ZIM2: variants seen among roughly 807,000 people sequenced by gnomAD.
The protein encoded by ZIM2 is zinc finger protein 656.
Under a neutral mutation model 38.6 loss-of-function variants are expected in ZIM2, and 14 were observed. That is an observed-to-expected ratio of 0.36 (90% confidence interval 0.24 to 0.57). The LOEUF is 0.57. Ranked by LOEUF, ZIM2 falls within the 20% of genes least tolerant of loss-of-function variation. The probability of loss-of-function intolerance (pLI) is 0.81; values close to 1 mark genes in which losing one functional copy is unlikely to be tolerated. For synonymous variants in ZIM2, 247 were observed against 245.8 expected (o/e 1.00, Z -0.04); for missense variants, 680 against 695.1 (o/e 0.98, Z 0.24).
At chr19:56,803,686 T>C (rs1297726802) in intron 9 of ZIM2, among the ~76,000 whole-genome samples, 1 of 152,230 alleles carries the variant, frequency 6.6e-6, no homozygotes, top group Non-Finnish European at 1.5e-5. Context: ...CAATAGTCCG[T>C]TGCTGAAGCC....
intron 9 of ZIM2, chr19:56,799,637 A>G (rs948712793): frequency 5.9e-5 from 9 of 152,222 alleles, no homozygotes; most frequent in African/African-American, 9.6e-5. Context: ...AACCCTAAAC[A>G]TATACCTACT....
At chr19:56,809,406 C>T (rs79925898) in intron 9 of ZIM2, among the ~76,000 whole-genome samples, 4,000 of 152,246 alleles carry the variant, frequency 0.026, 150 homozygotes, top group African/African-American at 0.089. Context: ...TCTCCTCCTC[C>T]GACTTATGGA....
chr19:56,775,390 A>T lies in ZIM2; in HGVS notation c.975T>A (p.Leu325=). The change falls in exon 13 of 13, where the codon CTT becomes CTA. Residue 325 remains leucine (L), a synonymous_variant. Coordinates refer to ENST00000629319, the MANE Select transcript of ZIM2 (RefSeq NM_001387356.1). ...GSDEFERSSN[L]SKQSKDPLGK... ...CTAGAGGATCCTTTGATTGTTTACT[A>T]AGATTAGAGCTTCTCTCAAATTCAT... The T allele has an allele frequency of 6.2e-7, 1 of 1,614,180 alleles. No individual in the cohort carries two copies. The highest frequency in any genetic ancestry group is 2.2e-5 in the East Asian group (1 of 44,876).
At chr19:56,803,747 G>A (rs1008618914) in intron 9 of ZIM2, among the ~76,000 whole-genome samples, 11 of 152,174 alleles carry the variant, frequency 7.2e-5, no homozygotes, top group Admixed American at 3.9e-4. Context: ...AGCCAACCTA[G>A]GGTCAAAACA....
intron 10 of ZIM2, among the ~76,000 whole-genome samples, chr19:56,786,704 G>C (rs1452223721): frequency 4.6e-5 from 7 of 152,178 alleles, no homozygotes; most frequent in African/African-American, 1.7e-4. Context: ...TAAGTTTTAA[G>C]GGGCTGAGTT....
chr19:56,812,823 A>AG, intron 9 of ZIM2: 1 of 985,254 alleles, frequency 1.0e-6, no homozygotes, highest in Non-Finnish European at 1.2e-6. Context: ...TTGGTTAAAA[A>AG]AAAAAAAAAC....
rs527827697 is a variant in ZIM2 at position 56,779,656 on chromosome 19, A to C, written c.740-184T>G. Among the ~76,000 whole-genome samples the C allele has an allele frequency of 3.1e-4, 47 of 152,254 alleles. 1 individual carries two copies. The highest frequency in any genetic ancestry group is 1.1e-3 in the African/African-American group (45 of 41,536). ...GTATGGAGATATCTTTGGTTGTCAT[A>C]ACTGTGGGAGCAGAGGGAGGGGTTC... On this transcript the variant is annotated intron_variant, in intron 11 of 12. Coordinates refer to ENST00000629319, the MANE Select transcript of ZIM2 (RefSeq NM_001387356.1).
At position 56,823,610 on chromosome 19, in the gene ZIM2, T is replaced by C. The variant is rs748217139; in HGVS notation, c.86A>G (p.His29Arg). The C allele has an allele frequency of 3.0e-5, 48 of 1,613,868 alleles. No individual in the cohort carries two copies. Among genetic ancestry groups the C allele is most frequent in the Non-Finnish European group, 4.0e-5 (47 of 1,179,990 alleles). ...TRNRRESSPP[H>R]SVHSFSGDRD... ...CTCACCACTGAAAGAATGGACTGAGTGAGGTGGTGAGGACTCTCTTCTGTT... is the reference window on the plus strand; with the variant it reads ...CTCACCACTGAAAGAATGGACTGAGCGAGGTGGTGAGGACTCTCTTCTGTT... Residue 29 changes from histidine (H) to arginine (R), a missense_variant, in exon 5 of 13, where the codon CAC (histidine) becomes CGC (arginine). Transcript: ENST00000629319.
At chr19:56,803,270 C>CT (rs1295691985) in intron 9 of ZIM2, among the ~76,000 whole-genome samples, 1 of 152,190 alleles carries the variant, frequency 6.6e-6, no homozygotes, top group African/African-American at 2.4e-5. Flanking sequence ...AGATGGTTAC[C>CT]TATCTCACAA....
Position 56,774,762 on chromosome 19 carries a change from C to G in ZIM2, c.1603G>C (p.Gly535Arg). The G allele has an allele frequency of 6.2e-7, 1 of 1,614,030 alleles. No individual in the cohort carries two copies. The highest frequency in any genetic ancestry group is 8.5e-7 in the Non-Finnish European group (1 of 1,180,022). ...TGTTGAGTGAGGTATGAGGGTCGGCCGAAACATTTCCCACATAGCTGACAC... is the reference window on the plus strand; with the variant it reads ...TGTTGAGTGAGGTATGAGGGTCGGCGGAAACATTTCCCACATAGCTGACAC... ...YQCQLCGKCF[G>R]RPSYLTQHYQ... Residue 535 changes from glycine (G) to arginine (R), a missense_variant, in exon 13 of 13, where the codon GGC becomes CGC. By Grantham distance (125) the Gly-to-Arg change is moderately radical (BLOSUM62 -2). Transcript: ENST00000629319.
chr19:56,781,772 A>C (rs988708958), intron 11 of ZIM2, among the ~76,000 whole-genome samples, 181 bp downstream of exon 11: 1 of 152,216 alleles, frequency 6.6e-6, no homozygotes, highest in Non-Finnish European at 1.5e-5. Flanking sequence ...CGTGCTCAAG[A>C]AATGTTAGCT....
At chr19:56,812,195 G>A in intron 9 of ZIM2, 3 of 981,186 alleles carry the variant, frequency 3.1e-6, no homozygotes, top group African/African-American at 3.5e-5. Flanking sequence ...TAGTTATTAT[G>A]CGAGGGGAGG....
chr19:56,827,595 T>C (rs538298925), intron 2 of ZIM2, among the ~76,000 whole-genome samples: 66 of 152,294 alleles, frequency 4.3e-4, no homozygotes, highest in African/African-American at 1.5e-3. Flanking sequence ...TTTATCAAAA[T>C]TAAAAGTGCA....
In ZIM2 at chr19:56,782,137, G is replaced by T; in HGVS notation, c.571-16C>A. 6.2e-7 allele frequency: 1 copy of T among 1,611,580 alleles called. No individual in the cohort carries two copies. The highest frequency in any genetic ancestry group is 1.1e-5 in the South Asian group (1 of 90,804). ...AGTCCGGGAACTATCCCAGAGAGAG[G>T]AGAAGGGACGTGATTAGAGAGGACT... On this transcript the variant is annotated splice_polypyrimidine_tract_variant and intron_variant, in intron 10 of 12. Coordinates refer to ENST00000629319, the MANE Select transcript of ZIM2 (RefSeq NM_001387356.1).
intron 9 of ZIM2, among the ~76,000 whole-genome samples, chr19:56,801,385 A>T (rs1226673162): frequency 2.6e-5 from 4 of 152,060 alleles, no homozygotes; most frequent in Non-Finnish European, 5.9e-5. Flanking sequence ...CTGCTGAGGG[A>T]CTCAGCCCAG....
At chr19:56,839,764 C>A (rs2062753880) in intron 1 of ZIM2, among the ~76,000 whole-genome samples, 1 of 152,256 alleles carries the variant, frequency 6.6e-6, no homozygotes, top group Non-Finnish European at 1.5e-5. Flanking sequence ...CACCAATCAA[C>A]CAGAACAGCG....
At chr19:56,820,911 C>A (rs1430123473) in intron 7 of ZIM2, among the ~76,000 whole-genome samples, 1 of 152,134 alleles carries the variant, frequency 6.6e-6, no homozygotes, top group African/African-American at 2.4e-5. Flanking sequence ...ATGGCTTCTC[C>A]CTTCTTTGAG....
chr19:56,777,856 G>A (rs1375686221), intron 12 of ZIM2, among the ~76,000 whole-genome samples: 1 of 152,074 alleles, frequency 6.6e-6, no homozygotes, highest in Non-Finnish European at 1.5e-5. Context: ...TCCTAAGCGG[G>A]CTGGCCCTTG....
At chr19:56,813,998 G>A in intron 9 of ZIM2, 1 of 1,614,040 alleles carries the variant, frequency 6.2e-7, no homozygotes, top group Non-Finnish European at 8.5e-7. Context: ...ACACCGTCAG[G>A]CTCGTCGGCA....
Sources: allele counts gnomAD v4.1 joint callset (sites outside exome capture counted in the v4.1 genomes callset), GRCh38; gene constraint gnomAD v4.1.1; transcripts MANE v1.5; gene names NCBI Gene and HGNC (gene_info 2026-07-23, HGNC 2026-07-21).